The following SLC22A14 variants were observed in gnomAD, a reference collection of about 807,000 sequenced individuals.
The protein encoded by SLC22A14 is organic cation transporter-like 4.
SLC22A14 carries 50 observed loss-of-function variants against 53.9 expected under a neutral mutation model. The ratio of observed to expected loss-of-function variants is 0.93; its 90% CI spans 0.74 to 1.17. The LOEUF (loss-of-function observed/expected upper bound fraction) is 1.17, where lower values mean the gene tolerates loss of function less well. Among genes scored for constraint, SLC22A14 ranks in the 50% most tolerant of loss-of-function variants. The pLI, the probability that SLC22A14 is intolerant of heterozygous loss-of-function variation, is 0.00. For missense variants in SLC22A14, 671 were observed against 734.7 expected (o/e 0.91, Z 1.00); for synonymous variants, 312 against 303.0 (o/e 1.03, Z -0.31).
Position 38,313,855 on chromosome 3 carries a change from T to G in SLC22A14, c.1292T>G (p.Leu431Arg). 1 of 1,614,012 alleles carries G rather than the reference T, an allele frequency of 6.2e-7. No individual in the cohort carries two copies. Among genetic ancestry groups the G allele is most frequent in the Non-Finnish European group, 8.5e-7 (1 of 1,179,978 alleles). Residue 431 changes from leucine (L) to arginine (R), a missense_variant, in exon 8 of 11, where the codon CTC becomes CGC. Physicochemically the swap from Leu to Arg is moderately radical, Grantham distance 102. Transcript: ENST00000448498. The part of the protein sequence containing the change: ...VPARLCCIFL[L>R]QQIGRKWSLA... ...GCCCGGCTGTGCTGCATCTTTCTCC[T>G]CCAGCAGATTGGGAGGAAGTGGAGC...
intron 1 of SLC22A14, among the ~76,000 whole-genome samples, chr3:38,289,131 T>G (rs568702859): frequency 6.8e-6 from 1 of 146,852 alleles, no homozygotes; most frequent in Admixed American, 6.9e-5. Context: ...TGAGCTATGA[T>G]TGTGCCACTG....
Position 38,309,053 on chromosome 3 carries a change from G to T in SLC22A14, c.875G>T (p.Ser292Ile), listed in dbSNP as rs1345649209. ...GTGTTGCTGACAGGGATCGCCTACA[G>T]TCTTCCCCACTGGCAGCTGCTGTTT... ...GAVLLTGIAY[S>I]LPHWQLLFLV... is the part of the protein sequence containing the mutation. Residue 292 changes from serine (S) to isoleucine (I), a missense_variant, in exon 5 of 11, where the codon AGT (serine) becomes ATT (isoleucine). By Grantham distance (142) the Ser-to-Ile change is moderately radical. Transcript: ENST00000448498. The T allele has an allele frequency of 2.2e-5, 36 of 1,613,936 alleles. No homozygotes were observed. Among genetic ancestry groups the T allele is most frequent in the Non-Finnish European group, 2.9e-5 (34 of 1,179,888 alleles).
chr3:38,311,034 A>G (rs1285233318), intron 5 of SLC22A14, among the ~76,000 whole-genome samples: 1 of 152,192 alleles, frequency 6.6e-6, no homozygotes, highest in African/African-American at 2.4e-5. Flanking sequence ...TTCCAGCCAG[A>G]GTGGGATGGC....
intron 10 of SLC22A14, 30 bp from the exon 11 acceptor site, chr3:38,318,168 C>A: frequency 6.2e-7 from 1 of 1,606,196 alleles, no homozygotes; most frequent in Non-Finnish European, 8.5e-7. Context: ...AAGATGTGGC[C>A]CTGGACTCAT....
rs1704031090 is a variant in SLC22A14, at chr3:38,296,109, G to A, written c.1-9918G>A. ...GATTCAGAGGTAAGGAGAATTTTGG[G>A]GCTACACTTTCAAGAAAGTCGTGGT... On this transcript the variant is annotated intron_variant, in intron 1 of 10. Transcript: ENST00000448498. Among the ~76,000 whole-genome samples, 3 of 152,206 alleles carry A rather than the reference G, an allele frequency of 2.0e-5. No individual in the cohort carries two copies. In the South Asian group the frequency reaches 6.2e-4, roughly 31 times the overall value.
intron 1 of SLC22A14, among the ~76,000 whole-genome samples, chr3:38,301,275 CAAA>C (rs1704154355): frequency 6.6e-6 from 1 of 152,138 alleles, no homozygotes; most frequent in Non-Finnish European, 1.5e-5. Context: ...CAGGTATTGC[CAAA>C]TTGTCCTTCA....
At chr3:38,295,576 A>G (rs150751360) in intron 1 of SLC22A14, among the ~76,000 whole-genome samples, 9,755 of 152,236 alleles carry the variant, frequency 0.064, 376 homozygotes, top group East Asian at 0.16. Context: ...ATAGGGTCAC[A>G]GAGAAGACCT....
At chr3:38,303,649 A>G (rs1704223278) in intron 1 of SLC22A14, 2 of 152,114 alleles carry the variant, frequency 1.3e-5, no homozygotes, top group South Asian at 4.2e-4. Context: ...AATCTCAATG[A>G]TTGTATTTAT....
intron 1 of SLC22A14, among the ~76,000 whole-genome samples, chr3:38,295,786 G>A (rs1200413030): frequency 6.9e-6 from 1 of 144,072 alleles, no homozygotes; most frequent in South Asian, 2.1e-4. Context: ...GTCTCTGTCT[G>A]TCTCTCTCTC....
At chr3:38,296,912 C>T (rs758641073) in intron 1 of SLC22A14, among the ~76,000 whole-genome samples, 4 of 152,134 alleles carry the variant, frequency 2.6e-5, no homozygotes, top group African/African-American at 4.8e-5. Flanking sequence ...TGGAAGTCAG[C>T]GGTGGGTCTG....
chr3:38,302,061 C>T (rs1018816830), intron 1 of SLC22A14, among the ~76,000 whole-genome samples: 11 of 150,572 alleles, frequency 7.3e-5, no homozygotes, highest in Admixed American at 2.0e-4. Flanking sequence ...GGTGAAACCC[C>T]GTCTCTACTA....
At chr3:38,285,399 C>T (rs1703769672) in intron 1 of SLC22A14, among the ~76,000 whole-genome samples, 1 of 152,218 alleles carries the variant, frequency 6.6e-6, no homozygotes, top group South Asian at 2.1e-4. Flanking sequence ...TTTCAGTCCA[C>T]CTCTTCCTTG....
chr3:38,298,424 ATCTATC>A (rs2125879524), intron 1 of SLC22A14, among the ~76,000 whole-genome samples: 2 of 9,482 alleles, frequency 2.1e-4, no homozygotes, highest in East Asian at 9.1e-3. Flanking sequence ...TTGCACACAC[ATCTATC>A]TATCTATCTA....
At chr3:38,311,216 G>A (rs1177153620) in intron 5 of SLC22A14, among the ~76,000 whole-genome samples, 5 of 152,194 alleles carry the variant, frequency 3.3e-5, no homozygotes. Flanking sequence ...TGTTAGCAGT[G>A]AGCACCAATG....
At position 38,307,979 on chromosome 3, in the gene SLC22A14, G is replaced by C; in HGVS notation, c.775+259G>C. Reference sequence around the variant, plus strand: ...TTCCTGGCTGCCTGGAGATGTCAGAGAATCAGTGCCCTGACTGCCCTTCCA... The same window carrying C: ...TTCCTGGCTGCCTGGAGATGTCAGACAATCAGTGCCCTGACTGCCCTTCCA... On this transcript the variant is annotated intron_variant, in intron 4 of 10. Transcript: ENST00000448498. This position sits in a 1 kb window ranked among gnomAD's most constrained non-coding sequence, Gnocchi z 4.4. 7.6e-6 allele frequency: 4 copies of C among 528,178 alleles called. 1 individual carries two copies. The South Asian group carries it at 8.3e-5, about 11-fold the overall frequency. 32.7% of individuals were successfully genotyped at this position (528,178 alleles called of 1,614,324 possible).
Position 38,306,236 on chromosome 3 carries a change from A to G in SLC22A14, c.210A>G (p.Val70=), listed in dbSNP as rs1704298119. ...TTGGCACATTCCAGCAGAGGCTAGT[A>G]GCCCTCACCTTTATCCCCAGCATCA... ...GEFGTFQQRL[V]ALTFIPSIMS... Residue 70 remains valine, a synonymous_variant, in exon 2 of 11, where the codon GTA becomes GTG. Transcript: ENST00000448498. The G allele has an allele frequency of 5.0e-6, 8 of 1,614,186 alleles. No individual in the cohort carries two copies. The highest frequency in any genetic ancestry group is 6.8e-6 in the Non-Finnish European group (8 of 1,180,028).
intron 1 of SLC22A14, among the ~76,000 whole-genome samples, chr3:38,293,796 G>A (rs1234048654): frequency 6.6e-6 from 1 of 152,184 alleles, no homozygotes; most frequent in African/African-American, 2.4e-5. Flanking sequence ...TGGCCTGTGG[G>A]GAATTGTTCT....
chr3:38,295,163 A>G (rs1445393746), intron 1 of SLC22A14, among the ~76,000 whole-genome samples: 1 of 152,186 alleles, frequency 6.6e-6, no homozygotes, highest in Admixed American at 6.5e-5. Flanking sequence ...AATTCCTCCT[A>G]GGTCTTGTCA....
intron 9 of SLC22A14, 90 bp downstream of exon 9, chr3:38,315,801 C>A: frequency 7.5e-7 from 1 of 1,330,832 alleles, no homozygotes. Flanking sequence ...CAAGCATTCA[C>A]CTGGTGACAA....
Sources: gnomAD v4.1 joint callset for allele counts (sites outside exome capture counted in the v4.1 genomes callset) on GRCh38, gnomAD v4.1.1 for gene constraint, Gnocchi (gnomAD v3.1) non-coding constraint, MANE v1.5 for transcripts, NCBI Gene and HGNC (gene_info 2026-07-23, HGNC 2026-07-21) for gene names.